ATP10B: variants seen among roughly 807,000 people sequenced by gnomAD.
The protein encoded by ATP10B is ATPase phospholipid transporting 10B (putative).
ATP10B carries 122 observed loss-of-function variants against 141.2 expected under a neutral mutation model. That is an observed-to-expected ratio of 0.86 (90% CI 0.75 to 1.00). ATP10B has a LOEUF of 1.00. Among genes scored for constraint, ATP10B ranks in the 50% least tolerant of loss-of-function variants. The probability of loss-of-function intolerance (pLI) is 0.00; values close to 1 mark genes in which losing one functional copy is unlikely to be tolerated. For synonymous variants in ATP10B, 685 were observed against 692.0 expected (o/e 0.99, Z 0.16); for missense variants, 1,876 against 1,825.3 (o/e 1.03, Z -0.51).
At chr5:160,569,061 C>A (rs1754719289) in intron 25 of ATP10B, among the ~76,000 whole-genome samples, 1 of 152,186 alleles carries the variant, frequency 6.6e-6, no homozygotes. Flanking sequence ...ATGATAGAAG[C>A]TGAGAAGCTC....
intron 2 of ATP10B, among the ~76,000 whole-genome samples, chr5:160,732,592 CAA>C (rs758419188): frequency 3.9e-5 from 6 of 152,304 alleles, no homozygotes; most frequent in Non-Finnish European, 7.4e-5. Flanking sequence ...GCAACGTTGT[CAA>C]GTCAGTTGGT....
chr5:160,735,628 CA>C lies in ATP10B; in HGVS notation c.-330-18595del, dbSNP rs558170741. 3.8e-3 allele frequency among the ~76,000 whole-genome samples: 585 copies of C among 152,130 alleles called. 2 individuals carry two copies. Among genetic ancestry groups the C allele is most frequent in the South Asian group, 0.027 (129 of 4,822 alleles). On this transcript the variant is annotated intron_variant, in intron 2 of 25. Transcript: ENST00000327245. ...AACAAAAAAAATCAGACTTAATTTG[CA>C]TTATAGACCAAATGGATCTACTAGA...
rs558065936 is a variant in ATP10B at position 160,566,554 on chromosome 5, C to T, written c.3939-654G>A. 4.6e-5 allele frequency among the ~76,000 whole-genome samples: 7 copies of T among 152,268 alleles called. No individual in the cohort carries two copies. The East Asian group carries it at 7.7e-4, about 17-fold the overall frequency. ...TTCCTAAGGTCTCCTGAGACGTTAA[C>T]GGATCTCCCTGTTGACTGACTCAAG... On this transcript the variant is annotated intron_variant, in intron 25 of 25. Coordinates refer to ENST00000327245, the MANE Select transcript of ATP10B (RefSeq NM_025153.3).
chr5:160,873,686 G>C, the ATP10B span, among the ~76,000 whole-genome samples: 2 of 152,160 alleles, frequency 1.3e-5, no homozygotes, highest in African/African-American at 2.4e-5. Context: ...CGCACTGTGC[G>C]CGAGCCAAAG....
chr5:160,690,640 T>G (rs1764022710), intron 3 of ATP10B, among the ~76,000 whole-genome samples: 1 of 152,062 alleles, frequency 6.6e-6, no homozygotes, highest in Non-Finnish European at 1.5e-5. Context: ...GAAATGCAAA[T>G]CAAAACCACA....
At chr5:160,622,156 C>A (rs1758381707) in intron 14 of ATP10B, among the ~76,000 whole-genome samples, 1 of 152,190 alleles carries the variant, frequency 6.6e-6, no homozygotes, top group South Asian at 2.1e-4. Context: ...GACACATAGA[C>A]AAAGTTTGAA....
chr5:160,771,205 C>T (rs1769877042), intron 2 of ATP10B, among the ~76,000 whole-genome samples: 1 of 152,200 alleles, frequency 6.6e-6, no homozygotes, highest in Admixed American at 6.5e-5. Flanking sequence ...CTTAAACTCT[C>T]ATATCAGCCT....
chr5:160,891,981 A>G, the ATP10B span, among the ~76,000 whole-genome samples: 90,326 of 152,058 alleles, frequency 0.59, 27,934 homozygotes, highest in Non-Finnish European at 0.68. Context: ...CAGGTAGCAC[A>G]CTTCAATATA....
At chr5:160,869,353 C>A in the ATP10B span, among the ~76,000 whole-genome samples, 1 of 152,000 alleles carries the variant, frequency 6.6e-6, no homozygotes, top group Non-Finnish European at 1.5e-5. Flanking sequence ...ACCCCTACCC[C>A]TATTTGGTTA....
chr5:160,599,593 A>C (rs1188567153), intron 21 of ATP10B, among the ~76,000 whole-genome samples: 1 of 152,192 alleles, frequency 6.6e-6, no homozygotes. Context: ...GGGTAATAGA[A>C]AGACTGAACC....
chr5:160,801,455 G>A (rs899283427), intron 1 of ATP10B, among the ~76,000 whole-genome samples: 2 of 152,074 alleles, frequency 1.3e-5, no homozygotes, highest in Non-Finnish European at 2.9e-5. Flanking sequence ...CTACAAAATG[G>A]CAATCACATA....
intron 3 of ATP10B, among the ~76,000 whole-genome samples, chr5:160,703,483 T>A (rs1188712537): frequency 3.3e-4 from 1 of 2,996 alleles, no homozygotes; most frequent in Non-Finnish European, 7.4e-4. Context: ...TGATATTTGT[T>A]TTTTTTTTTT....
At chr5:160,760,993 C>T (rs1768988594) in intron 2 of ATP10B, among the ~76,000 whole-genome samples, 1 of 152,142 alleles carries the variant, frequency 6.6e-6, no homozygotes, top group Non-Finnish European at 1.5e-5. Flanking sequence ...CCACCCATCA[C>T]CTCAGAAACC....
intron 2 of ATP10B, among the ~76,000 whole-genome samples, chr5:160,738,554 G>A (rs1291741781): frequency 6.6e-6 from 1 of 151,922 alleles, no homozygotes; most frequent in African/African-American, 2.4e-5. Context: ...TACTGATATC[G>A]CCAAGCACTA....
chr5:160,774,545 T>G (rs2127863900), intron 2 of ATP10B, among the ~76,000 whole-genome samples: 1 of 152,320 alleles, frequency 6.6e-6, no homozygotes, highest in Non-Finnish European at 1.5e-5. Flanking sequence ...CTTTGCCAGA[T>G]TTGGCTCTAT....
intron 19 of ATP10B, among the ~76,000 whole-genome samples, chr5:160,604,706 A>G (rs935625629): frequency 6.6e-6 from 1 of 151,022 alleles, no homozygotes; most frequent in African/African-American, 2.5e-5. Context: ...TAAGGCATAG[A>G]CACACACACA....
At chr5:160,746,139 T>C (rs1767789530) in intron 2 of ATP10B, among the ~76,000 whole-genome samples, 1 of 152,212 alleles carries the variant, frequency 6.6e-6, no homozygotes, top group African/African-American at 2.4e-5. Context: ...AAGCCAGGAT[T>C]CCAGGATTTT....
chr5:160,636,612 G>C (rs1759393082), intron 10 of ATP10B, among the ~76,000 whole-genome samples: 1 of 152,202 alleles, frequency 6.6e-6, no homozygotes, highest in African/African-American at 2.4e-5. Flanking sequence ...GCTGGAAAGA[G>C]AGAAAGAAAT....
chr5:160,852,729 A>C (rs2127994074), upstream of ATP10B, among the ~76,000 whole-genome samples: 1 of 152,300 alleles, frequency 6.6e-6, no homozygotes, highest in African/African-American at 2.4e-5. Context: ...GCTTATTGAT[A>C]GCTTCGATTC....
Sources: gnomAD v4.1 joint callset for allele counts (sites outside exome capture counted in the v4.1 genomes callset) on GRCh38, gnomAD v4.1.1 for gene constraint, MANE v1.5 for transcripts, NCBI Gene and HGNC (gene_info 2026-07-23, HGNC 2026-07-21) for gene names.